The following APBA2 variants were observed in gnomAD, a reference collection of about 807,000 sequenced individuals.
APBA2 encodes the protein amyloid-beta A4 precursor protein-binding family A member 2.
Under a neutral mutation model 75.0 loss-of-function variants are expected in APBA2, and 30 were observed. The observed-to-expected ratio is 0.40, with a 90% CI of 0.30 to 0.54. APBA2 has a LOEUF of 0.54. Among genes scored for constraint, APBA2 ranks in the 20% least tolerant of loss-of-function variants. The pLI is 0.49. For missense variants in APBA2, 801 were observed against 1,016.1 expected, an observed-to-expected ratio of 0.79 and a Z score of 2.88; for synonymous variants, 444 against 409.6, an observed-to-expected ratio of 1.08 and a Z score of -1.01.
At chr15:29,019,234 G>C (rs1479320914) in intron 3 of APBA2, among the ~76,000 whole-genome samples, 1 of 152,314 alleles carries the variant, frequency 6.6e-6, no homozygotes, top group East Asian at 1.9e-4. Flanking sequence ...CTCCTGTTCT[G>C]TGGGGCTGGG....
intron 4 of APBA2, among the ~76,000 whole-genome samples, chr15:29,068,017 T>A (rs1040121106): frequency 1.3e-5 from 2 of 152,214 alleles, no homozygotes; most frequent in Non-Finnish European, 2.9e-5. Context: ...AACATCGACT[T>A]ACTACTGGTC....
chr15:29,053,067 G>T (rs2041681135), intron 3 of APBA2, among the ~76,000 whole-genome samples: 1 of 152,140 alleles, frequency 6.6e-6, no homozygotes. Context: ...GTGTGGTTTG[G>T]GGGATAAAGT....
Position 29,050,865 on chromosome 15 carries a change from A to T in APBA2, c.-40-2980A>T, listed in dbSNP as rs73367698. ...GCATACCTTCAACGTGCACAGCTTG[A>T]TGTCAGAGCCTGGCGAGAAACAGGG... On this transcript the variant is annotated intron_variant, in intron 3 of 14. Coordinates refer to ENST00000683413, the MANE Select transcript of APBA2 (RefSeq NM_001353788.2). Among the ~76,000 whole-genome samples, 1,374 of 152,334 alleles carry T rather than the reference A, an allele frequency of 9.0e-3. 19 individuals carry two copies. Among genetic ancestry groups the T allele is most frequent in the African/African-American group, 0.031 (1,304 of 41,572 alleles).
At chr15:29,030,687 G>A (rs1284255160) in intron 3 of APBA2, among the ~76,000 whole-genome samples, 1 of 151,438 alleles carries the variant, frequency 6.6e-6, no homozygotes, top group East Asian at 1.9e-4. Context: ...TTCTTTTGTG[G>A]CCTAATGCTA....
intron 2 of APBA2, among the ~76,000 whole-genome samples, chr15:28,989,158 A>C (rs1236141502): frequency 1.3e-5 from 2 of 152,088 alleles, no homozygotes; most frequent in East Asian, 3.8e-4. Context: ...CTTATTGATC[A>C]ATCTGATCCG....
At chr15:29,091,838 G>C (rs1429441898) in intron 6 of APBA2, among the ~76,000 whole-genome samples, 2 of 152,192 alleles carry the variant, frequency 1.3e-5, no homozygotes, top group Non-Finnish European at 2.9e-5. Flanking sequence ...GCTGGCGCGA[G>C]GGCTGGGGAA....
chr15:28,886,151 C>G lies in APBA2; in HGVS notation c.-332C>G, dbSNP rs895796824. 6.6e-6 allele frequency: 1 copy of G among 150,608 alleles called. No homozygotes were observed. The highest frequency in any genetic ancestry group is 2.4e-5 in the African/African-American group (1 of 41,290). The allele number at this position is 150,608 out of a possible 1,614,324, so 9.3% of individuals were successfully genotyped here. A position where few individuals can be genotyped will look rare whatever the true frequency, so the allele number is the denominator to read the frequency against. ...CGCTATTCGGGAAGCTATTCAGCTT[C>G]CCGGGCTCATTAGCAGTCGCGGTGT... On this transcript the variant is annotated 5_prime_UTR_variant, in exon 1 of 15. Coordinates refer to ENST00000683413, the MANE Select transcript of APBA2 (RefSeq NM_001353788.2).
At chr15:29,050,837 T>C (rs887779320) in intron 3 of APBA2, among the ~76,000 whole-genome samples, 1 of 152,224 alleles carries the variant, frequency 6.6e-6, no homozygotes, top group Non-Finnish European at 1.5e-5. Context: ...TTAACAAGGA[T>C]GTGCATACCT....
intron 1 of APBA2, among the ~76,000 whole-genome samples, chr15:28,921,427 C>G (rs2033964972): frequency 6.6e-6 from 1 of 152,190 alleles, no homozygotes; most frequent in Non-Finnish European, 1.5e-5. Context: ...GAATCACGGT[C>G]AACTTGTGAC....
chr15:29,112,466 G>A (rs934201710), intron 13 of APBA2, among the ~76,000 whole-genome samples: 4 of 152,160 alleles, frequency 2.6e-5, no homozygotes, highest in African/African-American at 9.7e-5. Context: ...GTGTGTACAC[G>A]CATGTGTGTT....
chr15:28,994,969 G>A (rs1447708455), intron 2 of APBA2, among the ~76,000 whole-genome samples: 2 of 152,168 alleles, frequency 1.3e-5, no homozygotes, highest in East Asian at 3.9e-4. Flanking sequence ...AACACAGAAA[G>A]CCCTTTGTAA....
At chr15:29,098,312 T>A (rs1054479368) in intron 8 of APBA2, among the ~76,000 whole-genome samples, 178 bp from the exon 9 acceptor site, 1 of 152,238 alleles carries the variant, frequency 6.6e-6, no homozygotes, top group Admixed American at 6.5e-5. Flanking sequence ...CAGTGCTTCT[T>A]ATCTTTTATC....
At chr15:28,888,227 A>G (rs1277728653) in intron 1 of APBA2, among the ~76,000 whole-genome samples, 3 of 152,224 alleles carry the variant, frequency 2.0e-5, no homozygotes, top group South Asian at 4.1e-4. Flanking sequence ...CTAGTTTGCC[A>G]ACTGAGCTAA....
At chr15:28,936,539 G>C (rs1414129125) in intron 2 of APBA2, among the ~76,000 whole-genome samples, 1 of 152,044 alleles carries the variant, frequency 6.6e-6, no homozygotes, top group Non-Finnish European at 1.5e-5. Context: ...AGTGATAGCA[G>C]CTTTATTCCC....
At chr15:28,903,613 T>A (rs1448296344) in intron 1 of APBA2, among the ~76,000 whole-genome samples, 1 of 152,158 alleles carries the variant, frequency 6.6e-6, no homozygotes, top group Non-Finnish European at 1.5e-5. Context: ...GACCCCGTGG[T>A]CTTGTGGAGT....
intron 4 of APBA2, among the ~76,000 whole-genome samples, chr15:29,055,468 AG>A (rs2041841294): frequency 2.0e-5 from 3 of 152,234 alleles, no homozygotes; most frequent in Admixed American, 1.3e-4. Flanking sequence ...TTTTAATTAT[AG>A]CAAAGTCAGC....
chr15:28,923,782 C>G (rs1007460641), intron 2 of APBA2, among the ~76,000 whole-genome samples: 1 of 152,182 alleles, frequency 6.6e-6, no homozygotes, highest in Non-Finnish European at 1.5e-5. Context: ...CTGCCTCACT[C>G]CCTTTTTGTG....
chr15:29,080,050 T>C (rs1481391651), intron 6 of APBA2, among the ~76,000 whole-genome samples: 1 of 152,162 alleles, frequency 6.6e-6, no homozygotes, highest in Non-Finnish European at 1.5e-5. Context: ...AGCCTGGACT[T>C]GGACCCATGT....
At chr15:28,979,763 C>A (rs2037527195) in intron 2 of APBA2, among the ~76,000 whole-genome samples, 1 of 152,144 alleles carries the variant, frequency 6.6e-6, no homozygotes, top group African/African-American at 2.4e-5. Flanking sequence ...GTAGGTTTGG[C>A]CTAGGCTGAG....
Sources: allele counts gnomAD v4.1 joint callset (sites outside exome capture counted in the v4.1 genomes callset), GRCh38; gene constraint gnomAD v4.1.1; transcripts MANE v1.5; gene names NCBI Gene and HGNC (gene_info 2026-07-23, HGNC 2026-07-21).